The following SLCO6A1 variants were observed in gnomAD, a reference collection of about 807,000 sequenced individuals.
The protein encoded by SLCO6A1 is solute carrier organic anion transporter family member 6A1.
Under a neutral mutation model 72.7 loss-of-function variants are expected in SLCO6A1, and 65 were observed. The ratio of observed to expected loss-of-function variants is 0.89; its 90% CI spans 0.73 to 1.10. The LOEUF (loss-of-function observed/expected upper bound fraction) is 1.10. SLCO6A1 is among the 50% of genes least tolerant of loss of function. The pLI, the probability that SLCO6A1 is intolerant of heterozygous loss-of-function variation, is 0.00. For synonymous variants in SLCO6A1, 314 were observed against 298.2 expected, an observed-to-expected ratio of 1.05 and a Z score of -0.55; for missense variants, 874 against 872.6, an observed-to-expected ratio of 1.00 and a Z score of -0.02.
At chr5:102,381,920 TTTAC>T (rs1010997172) in intron 12 of SLCO6A1, among the ~76,000 whole-genome samples, 1 of 151,674 alleles carries the variant, frequency 6.6e-6, no homozygotes, top group Non-Finnish European at 1.5e-5. Flanking sequence ...AGGTTATTTC[TTTAC>T]TTACTAATAA....
intron 7 of SLCO6A1, among the ~76,000 whole-genome samples, chr5:102,422,780 C>T (rs1302218886): frequency 6.6e-6 from 1 of 152,046 alleles, no homozygotes; most frequent in Non-Finnish European, 1.5e-5. Context: ...GAGAACACCA[C>T]TAAGATACTC....
At chr5:102,471,881 G>A (rs1751646548) in intron 4 of SLCO6A1, among the ~76,000 whole-genome samples, 1 of 152,062 alleles carries the variant, frequency 6.6e-6, no homozygotes, top group Non-Finnish European at 1.5e-5. Context: ...AGCTATAGTA[G>A]CAAGCTCTTA....
chr5:102,459,877 G>C, intron 4 of SLCO6A1, 100 bp from the exon 5 acceptor site: 5 of 1,006,388 alleles, frequency 5.0e-6, no homozygotes, highest in Non-Finnish European at 7.0e-6. Flanking sequence ...GAGAGAGGGA[G>C]GGTTGGAGAG....
chr5:102,450,017 GCTTTCATCA>G (rs980478118), intron 6 of SLCO6A1, among the ~76,000 whole-genome samples: 6 of 152,070 alleles, frequency 3.9e-5, no homozygotes, highest in Non-Finnish European at 4.4e-5. Context: ...GGCTACTTAA[GCTTTCATCA>G]CTTTCATCAT....
At chr5:102,401,581 C>G (rs912032351) in intron 9 of SLCO6A1, among the ~76,000 whole-genome samples, 5 of 151,926 alleles carry the variant, frequency 3.3e-5, no homozygotes, top group African/African-American at 1.2e-4. Context: ...TAAAAATGGC[C>G]AAATTCAGAG....
chr5:102,397,358 T>A (rs1201923324), intron 10 of SLCO6A1, among the ~76,000 whole-genome samples: 4 of 152,186 alleles, frequency 2.6e-5, no homozygotes, highest in African/African-American at 9.6e-5. Context: ...TTATCTCTTC[T>A]ATTGATATAG....
chr5:102,412,685 C>G (rs999005598), intron 9 of SLCO6A1, among the ~76,000 whole-genome samples: 1 of 151,288 alleles, frequency 6.6e-6, no homozygotes, highest in Non-Finnish European at 1.5e-5. Flanking sequence ...GGCTTGAGCC[C>G]AAGAGGTGGA....
At chr5:102,469,403 T>C (rs1325880821) in intron 4 of SLCO6A1, among the ~76,000 whole-genome samples, 2 of 152,184 alleles carry the variant, frequency 1.3e-5, no homozygotes, top group East Asian at 3.9e-4. Flanking sequence ...GATTCCTAGT[T>C]ATTTTATTCT....
intron 11 of SLCO6A1, 114 bp downstream of exon 11, chr5:102,390,867 T>A: frequency 2.4e-6 from 2 of 840,150 alleles, no homozygotes; most frequent in Non-Finnish European, 3.7e-6. Flanking sequence ...GCTCCCCCTT[T>A]CACTCGCTTT....
chr5:102,465,168 C>A (rs1248510548), intron 4 of SLCO6A1, among the ~76,000 whole-genome samples: 1 of 152,126 alleles, frequency 6.6e-6, no homozygotes, highest in African/African-American at 2.4e-5. Context: ...GCTAGACATT[C>A]ATCACTCCCA....
chr5:102,484,283 T>A (rs1401829334), intron 1 of SLCO6A1, among the ~76,000 whole-genome samples: 1 of 152,180 alleles, frequency 6.6e-6, no homozygotes, highest in Admixed American at 6.5e-5. Flanking sequence ...CAGATTTCCA[T>A]CTTTGAGGGT....
chr5:102,464,158 C>CA (rs145139676), intron 4 of SLCO6A1, among the ~76,000 whole-genome samples: 4,514 of 148,308 alleles, frequency 0.03, 211 homozygotes, highest in African/African-American at 0.1. Context: ...ATTCAGGTAA[C>CA]AAAAAAAAAC....
intron 1 of SLCO6A1, among the ~76,000 whole-genome samples, chr5:102,488,475 C>T (rs922770673): frequency 3.3e-5 from 5 of 152,162 alleles, no homozygotes; most frequent in Non-Finnish European, 7.4e-5. Context: ...AGTTCCCTGA[C>T]CTGTTGATTA....
At chr5:102,463,816 G>A (rs1243339658) in intron 4 of SLCO6A1, among the ~76,000 whole-genome samples, 1 of 151,902 alleles carries the variant, frequency 6.6e-6, no homozygotes, top group African/African-American at 2.4e-5. Context: ...AACCCAGGAG[G>A]TGGAGGTTGC....
chr5:102,383,074 T>C (rs1746204133), intron 12 of SLCO6A1, among the ~76,000 whole-genome samples: 1 of 71,666 alleles, frequency 1.4e-5, no homozygotes, highest in Non-Finnish European at 3.1e-5. Context: ...AAACTATATA[T>C]AGTGTATGTA....
intron 4 of SLCO6A1, among the ~76,000 whole-genome samples, chr5:102,470,591 CT>C (rs2112798911): frequency 6.6e-6 from 1 of 152,090 alleles, no homozygotes; most frequent in African/African-American, 2.4e-5. Flanking sequence ...TTTTGTTGAT[CT>C]TTTCAAAAAA....
chr5:102,399,502 A>C, intron 10 of SLCO6A1, 53 bp downstream of exon 10: 2 of 1,141,952 alleles, frequency 1.8e-6, no homozygotes, highest in Non-Finnish European at 2.3e-6. Context: ...TCTTTCCAAA[A>C]TTACTTTTCT....
chr5:102,379,322 A>T (rs954693559), intron 12 of SLCO6A1, among the ~76,000 whole-genome samples: 2 of 151,924 alleles, frequency 1.3e-5, no homozygotes, highest in African/African-American at 4.8e-5. Context: ...GTAGTGCTTC[A>T]TGTGTCCTGT....
chr5:102,460,269 T>C (rs1002005387), intron 4 of SLCO6A1, among the ~76,000 whole-genome samples: 6 of 152,130 alleles, frequency 3.9e-5, no homozygotes, highest in Non-Finnish European at 8.8e-5. Context: ...TAGTCCCTTC[T>C]CCGAACTTTC....
Sources: allele counts gnomAD v4.1 joint callset (sites outside exome capture counted in the v4.1 genomes callset), GRCh38; gene constraint gnomAD v4.1.1; transcripts MANE v1.5; gene names NCBI Gene and HGNC (gene_info 2026-07-23, HGNC 2026-07-21).